GRM8: variants seen among roughly 807,000 people sequenced by gnomAD.
GRM8 encodes metabotropic glutamate receptor 8.
Under a neutral mutation model 87.2 loss-of-function variants are expected in GRM8, and 47 were observed. That is an observed-to-expected ratio of 0.54 (90% confidence interval 0.43 to 0.69). The LOEUF (loss-of-function observed/expected upper bound fraction) is 0.69, where lower values mean the gene tolerates loss of function less well. GRM8 is among the 30% of genes least tolerant of loss of function. GRM8 has a pLI of 0.00. For synonymous variants in GRM8, 396 were observed against 404.5 expected (o/e 0.98, Z 0.25); for missense variants, 1,019 against 1,139.2 (o/e 0.89, Z 1.52).
chr7:126,714,151 G>A (rs964183842), intron 7 of GRM8, among the ~76,000 whole-genome samples: 1 of 151,106 alleles, frequency 6.6e-6, no homozygotes, highest in Non-Finnish European at 1.5e-5. Context: ...GGTGATGTAT[G>A]CCTGTAGTTC....
At chr7:126,550,717 T>C (rs971642038) in intron 8 of GRM8, among the ~76,000 whole-genome samples, 3 of 151,852 alleles carry the variant, frequency 2.0e-5, no homozygotes, top group African/African-American at 7.2e-5. Flanking sequence ...TATTTTAAAA[T>C]AGAAAATAAT....
At chr7:126,737,918 C>T (rs559475300) in intron 7 of GRM8, among the ~76,000 whole-genome samples, 108 of 152,096 alleles carry the variant, frequency 7.1e-4, no homozygotes, top group African/African-American at 2.4e-3. Flanking sequence ...CTAACACTAA[C>T]GAGGGTGATC....
intron 7 of GRM8, among the ~76,000 whole-genome samples, chr7:126,612,572 C>A (rs145015329): frequency 1.5e-4 from 23 of 152,318 alleles, no homozygotes; most frequent in African/African-American, 5.1e-4. Context: ...CACAGACTTA[C>A]TATCCATTCT....
intron 3 of GRM8, among the ~76,000 whole-genome samples, chr7:126,986,224 G>T (rs944892176): frequency 6.6e-6 from 1 of 151,918 alleles, no homozygotes; most frequent in African/African-American, 2.4e-5. Flanking sequence ...TTTCAACCCT[G>T]GTCTCAAACT....
At chr7:127,081,780 A>G (rs1402099934) in intron 3 of GRM8, among the ~76,000 whole-genome samples, 2 of 152,262 alleles carry the variant, frequency 1.3e-5, no homozygotes, top group Admixed American at 1.3e-4. Context: ...GAGATTGCCA[A>G]GAACAGTTTC....
At chr7:127,241,437 C>CT (rs11291980) in intron 2 of GRM8, among the ~76,000 whole-genome samples, 1,624 of 132,890 alleles carry the variant, frequency 0.012, 9 homozygotes, top group African/African-American at 0.022. Flanking sequence ...TTTTTTTTTT[C>CT]TTTTTTTTTT....
At chr7:127,008,416 A>G (rs1814537934) in intron 3 of GRM8, among the ~76,000 whole-genome samples, 2 of 152,144 alleles carry the variant, frequency 1.3e-5, no homozygotes, top group Non-Finnish European at 2.9e-5. Context: ...AACCATCTAT[A>G]TTTTAAAGTA....
intron 6 of GRM8, chr7:126,869,441 C>T (rs1798891531): frequency 1.3e-5 from 2 of 152,108 alleles, no homozygotes; most frequent in Non-Finnish European, 2.9e-5. Context: ...GTACTTTTCC[C>T]AGATCCATCA....
At chr7:127,209,889 C>T (rs1046092170) in intron 2 of GRM8, among the ~76,000 whole-genome samples, 12 of 152,124 alleles carry the variant, frequency 7.9e-5, no homozygotes, top group South Asian at 2.1e-4. Context: ...CCCCTACCCC[C>T]GACCCCATGG....
At chr7:126,659,516 A>T (rs1383646482) in intron 7 of GRM8, among the ~76,000 whole-genome samples, 1 of 152,222 alleles carries the variant, frequency 6.6e-6, no homozygotes, top group Non-Finnish European at 1.5e-5. Flanking sequence ...AGAAATATTC[A>T]ACCATAATAA....
intron 2 of GRM8, among the ~76,000 whole-genome samples, chr7:127,122,470 T>A (rs1381991263): frequency 2.7e-5 from 4 of 147,768 alleles, no homozygotes; most frequent in South Asian, 2.1e-4. Context: ...GCTTTCTATT[T>A]AAAAAAAAAA....
chr7:127,033,463 C>T (rs1255603913), intron 3 of GRM8, among the ~76,000 whole-genome samples: 1 of 151,996 alleles, frequency 6.6e-6, no homozygotes, highest in Admixed American at 6.6e-5. Context: ...TTATTGAGCA[C>T]CTATGTACCA....
chr7:126,827,088 T>C (rs1315668854), intron 6 of GRM8, among the ~76,000 whole-genome samples: 1 of 152,232 alleles, frequency 6.6e-6, no homozygotes, highest in African/African-American at 2.4e-5. Flanking sequence ...TCTGTTTTGG[T>C]AGCAGTACCA....
intron 7 of GRM8, among the ~76,000 whole-genome samples, chr7:126,677,682 A>T (rs146191668): frequency 9.9e-5 from 15 of 152,272 alleles, no homozygotes; most frequent in African/African-American, 2.6e-4. Flanking sequence ...TATAATAGAC[A>T]TTGGAGGCTC....
chr7:126,605,214 G>A (rs1798238372), intron 8 of GRM8, among the ~76,000 whole-genome samples: 1 of 152,056 alleles, frequency 6.6e-6, no homozygotes, highest in African/African-American at 2.4e-5. Context: ...GTTACAATAT[G>A]TTTTGTAATC....
intron 8 of GRM8, among the ~76,000 whole-genome samples, chr7:126,576,920 CT>C (rs1390540225): frequency 6.6e-6 from 1 of 152,178 alleles, no homozygotes. Context: ...GTCTTCTTGT[CT>C]TCTTCAAAAG....
chr7:126,589,279 G>T lies in GRM8; in HGVS notation c.1494+20083C>A, dbSNP rs550992766. Reference sequence around the variant, plus strand: ...GCCTAAAAACAAACTCAGTGCTATTGCGGGGAGGCACAGTGAGAGTGAGAC... The same window carrying T: ...GCCTAAAAACAAACTCAGTGCTATTTCGGGGAGGCACAGTGAGAGTGAGAC... On this transcript the variant is annotated intron_variant, in intron 8 of 10. Transcript: ENST00000339582. Among the ~76,000 whole-genome samples the T allele has an allele frequency of 7.2e-5, 11 of 152,254 alleles. No homozygotes were observed. In the South Asian group the frequency reaches 2.1e-3, roughly 29 times the overall value.
chr7:126,739,406 GCA>G (rs3222171), intron 7 of GRM8, among the ~76,000 whole-genome samples: 4,547 of 148,630 alleles, frequency 0.031, 108 homozygotes, highest in African/African-American at 0.066. Context: ...AATTGTGTTT[GCA>G]CACACACACA....
chr7:127,107,744 C>T (rs1273366871), intron 2 of GRM8, among the ~76,000 whole-genome samples: 1 of 152,144 alleles, frequency 6.6e-6, no homozygotes, highest in Non-Finnish European at 1.5e-5. Context: ...ACAGATGATT[C>T]CCAATCTATA....
Sources: allele counts gnomAD v4.1 joint callset (sites outside exome capture counted in the v4.1 genomes callset), GRCh38; gene constraint gnomAD v4.1.1; transcripts MANE v1.5; gene names NCBI Gene and HGNC (gene_info 2026-07-23, HGNC 2026-07-21).